CBLN2: variants seen among roughly 807,000 people sequenced by gnomAD.
CBLN2 encodes the protein cerebellin 2 precursor, also known as cerebellin-2.
Under a neutral mutation model 15.0 loss-of-function variants are expected in CBLN2, and 7 were observed. That is an observed-to-expected ratio of 0.47 (90% CI 0.27 to 0.88). CBLN2 has a LOEUF of 0.88. Ranked by LOEUF, CBLN2 falls within the 40% of genes least tolerant of loss-of-function variation. The pLI is 0.14. For missense variants in CBLN2, 242 were observed against 304.5 expected, an observed-to-expected ratio of 0.79 and a Z score of 1.53; for synonymous variants, 149 against 135.2, an observed-to-expected ratio of 1.10 and a Z score of -0.71.
chr18:72,632,457 G>A (rs915807066), intron 1 of CBLN2, among the ~76,000 whole-genome samples: 1 of 152,108 alleles, frequency 6.6e-6, no homozygotes, highest in African/African-American at 2.4e-5. Context: ...ATGGGTGTAT[G>A]TATATGCTTT....
intron 1 of CBLN2, among the ~76,000 whole-genome samples, chr18:72,604,957 A>T (rs2069573610): frequency 6.6e-6 from 1 of 152,230 alleles, no homozygotes. Context: ...ATTATAACCC[A>T]AGTATAAAAT....
chr18:72,586,448 T>A (rs2144924821), intron 1 of CBLN2, among the ~76,000 whole-genome samples: 1 of 152,276 alleles, frequency 6.6e-6, no homozygotes, highest in East Asian at 1.9e-4. Flanking sequence ...AACCAAGAGG[T>A]CTGCTGAGGC....
intron 1 of CBLN2, among the ~76,000 whole-genome samples, chr18:72,597,764 T>G (rs1213121617): frequency 6.6e-6 from 1 of 152,072 alleles, no homozygotes; most frequent in Middle Eastern, 3.2e-3. Flanking sequence ...CAAGACAAAG[T>G]TTTTGCACTC....
At chr18:72,628,885 A>G (rs1021982889) in intron 1 of CBLN2, among the ~76,000 whole-genome samples, 2 of 152,142 alleles carry the variant, frequency 1.3e-5, no homozygotes, top group Non-Finnish European at 2.9e-5. Context: ...TTACGGATCC[A>G]TCTCCATATT....
At position 72,635,177 on chromosome 18, in the gene CBLN2, A is replaced by C. The variant is rs546617427; in HGVS notation, c.15+3148T>G. Among the ~76,000 whole-genome samples, 3 of 152,264 alleles carry C rather than the reference A, an allele frequency of 2.0e-5. No homozygotes were observed. The South Asian group carries it at 6.2e-4, about 32-fold the overall frequency. On this transcript the variant is annotated intron_variant, in intron 1 of 2. Coordinates refer to the CBLN2 transcript ENST00000581073. ...ACCGGACTCAAGTAGCATTAATTTCAGTCTCAAAATAAAATCAGTTTCAAC... is the reference window on the plus strand; with the variant it reads ...ACCGGACTCAAGTAGCATTAATTTCCGTCTCAAAATAAAATCAGTTTCAAC...
intron 1 of CBLN2, among the ~76,000 whole-genome samples, chr18:72,627,181 G>C (rs569153468): frequency 1.1e-4 from 17 of 152,228 alleles, no homozygotes; most frequent in Admixed American, 5.2e-4. Flanking sequence ...ATCACTAATA[G>C]ACACAAACTA....
intron 1 of CBLN2, among the ~76,000 whole-genome samples, chr18:72,563,639 C>A (rs2069275574): frequency 6.6e-6 from 1 of 152,194 alleles, no homozygotes. Flanking sequence ...CAAGAGAGTT[C>A]CAAGTGCACC....
chr18:72,550,967 T>C (rs1305837838), intron 1 of CBLN2, among the ~76,000 whole-genome samples: 1 of 152,116 alleles, frequency 6.6e-6, no homozygotes, highest in Non-Finnish European at 1.5e-5. Context: ...CTATATTGTG[T>C]CCTGTATGCC....
At chr18:72,624,200 C>CT (rs879934445) in intron 1 of CBLN2, among the ~76,000 whole-genome samples, 408 of 144,898 alleles carry the variant, frequency 2.8e-3, no homozygotes, top group African/African-American at 4.9e-3. Context: ...CCAACCCCTT[C>CT]TTTTTTTTTT....
In CBLN2 at chr18:72,541,860, T is replaced by C. The variant is rs2069114799; in HGVS notation, c.301A>G (p.Thr101Ala). The C allele has an allele frequency of 1.2e-6, 2 of 1,602,810 alleles. No individual in the cohort carries two copies. Among genetic ancestry groups the C allele is most frequent in the South Asian group, 1.1e-5 (1 of 89,814 alleles). ...AKVAFSATRSTNHEPSEMSNR... is the reference protein window; with the variant it reads ...AKVAFSATRSANHEPSEMSNR... ...CTCATCTCGGACGGCTCGTGGTTGG[T>C]GCTCCGCGTGGCGGAGAAGGCCACC... The change falls in exon 3 of 5, where the codon ACC becomes GCC. Residue 101 changes from threonine to alanine, a missense_variant. Physicochemically the swap from Thr to Ala is moderately conservative, Grantham distance 58. Transcript: ENST00000269503.
At chr18:72,556,071 G>C (rs1231812724) in intron 1 of CBLN2, among the ~76,000 whole-genome samples, 3 of 152,100 alleles carry the variant, frequency 2.0e-5, no homozygotes, top group African/African-American at 7.2e-5. Flanking sequence ...AGAGGTAGGG[G>C]ATAGGATCCC....
At chr18:72,638,509 T>C (rs2069828557) in exon 1 of CBLN2, 2 of 395,142 alleles carry the variant, frequency 5.1e-6, no homozygotes, top group Non-Finnish European at 8.9e-6. Context: ...TTAGAACATT[T>C]ATGCTTATGA....
intron 1 of CBLN2, among the ~76,000 whole-genome samples, chr18:72,575,347 T>C (rs1354441757): frequency 6.6e-6 from 1 of 152,082 alleles, no homozygotes; most frequent in Non-Finnish European, 1.5e-5. Context: ...ATCATCCATG[T>C]TAAGACAGGG....
At chr18:72,600,356 A>G (rs1420238010) in intron 1 of CBLN2, among the ~76,000 whole-genome samples, 2 of 152,190 alleles carry the variant, frequency 1.3e-5, no homozygotes, top group African/African-American at 2.4e-5. Flanking sequence ...TATGATTCAT[A>G]TAGGAATGGG....
At chr18:72,569,885 C>G (rs553509572) in intron 1 of CBLN2, among the ~76,000 whole-genome samples, 2 of 152,184 alleles carry the variant, frequency 1.3e-5, no homozygotes, top group Non-Finnish European at 2.9e-5. Flanking sequence ...AGGGAACAAA[C>G]ACCCAAAATA....
Position 72,575,034 on chromosome 18 carries a change from A to G in CBLN2, c.16-36262T>C, listed in dbSNP as rs150409830. On this transcript the variant is annotated intron_variant, in intron 1 of 2. Coordinates refer to the CBLN2 transcript ENST00000581073. ...TTGGGTGGAAGTGATTATAGTGAGT[A>G]AGCAGAGGGTTAAACGAAGTAGTTA... Among the ~76,000 whole-genome samples the G allele has an allele frequency of 1.0e-3, 154 of 152,274 alleles. No homozygotes were observed. The Middle Eastern group carries it at 0.024, about 24-fold the overall frequency.
intron 1 of CBLN2, among the ~76,000 whole-genome samples, chr18:72,580,878 G>A (rs932006918): frequency 1.3e-5 from 2 of 152,126 alleles, no homozygotes; most frequent in African/African-American, 4.8e-5. Context: ...CCAAACTTCA[G>A]TCAGGCTCCT....
At chr18:72,552,839 G>A (rs1245111468) in intron 1 of CBLN2, among the ~76,000 whole-genome samples, 1 of 152,138 alleles carries the variant, frequency 6.6e-6, no homozygotes, top group Non-Finnish European at 1.5e-5. Context: ...ATAATCATTT[G>A]ATTTTGACTT....
At chr18:72,589,975 A>G (rs1366817753) in intron 1 of CBLN2, among the ~76,000 whole-genome samples, 1 of 151,994 alleles carries the variant, frequency 6.6e-6, no homozygotes, top group East Asian at 1.9e-4. Context: ...TCTACTAAAA[A>G]TACAAAAATT....
Sources: allele counts gnomAD v4.1 joint callset (sites outside exome capture counted in the v4.1 genomes callset), GRCh38; gene constraint gnomAD v4.1.1; transcripts MANE v1.5; gene names NCBI Gene and HGNC (gene_info 2026-07-23, HGNC 2026-07-21).